Variants in SCHIP1 observed in about 807,000 individuals in gnomAD.
The protein encoded by SCHIP1 is schwannomin interacting protein 1, also known as schwannomin-interacting protein 1.
A neutral mutation model predicts 29.7 loss-of-function variants in SCHIP1; 8 were observed. The ratio of observed to expected loss-of-function variants is 0.27; its 90% CI spans 0.16 to 0.49. SCHIP1 has a LOEUF of 0.49. SCHIP1 is among the 20% of genes least tolerant of loss of function. SCHIP1 has a pLI of 0.99. For missense variants in SCHIP1, 193 were observed against 294.6 expected (o/e 0.66, Z 2.52); for synonymous variants, 76 against 94.9 (o/e 0.80, Z 1.16).
At chr3:159,473,706 AAAAAGT>A in the SCHIP1 span, among the ~76,000 whole-genome samples, 3 of 151,210 alleles carry the variant, frequency 2.0e-5, no homozygotes, top group African/African-American at 4.8e-5. Context: ...AAAAGAAAAG[AAAAAGT>A]AAAAGAAAAC....
At chr3:159,299,498 A>G in the SCHIP1 span, among the ~76,000 whole-genome samples, 1 of 152,238 alleles carries the variant, frequency 6.6e-6, no homozygotes, top group African/African-American at 2.4e-5. Flanking sequence ...AGGGACACCC[A>G]TAAAACCAAG....
the SCHIP1 span, among the ~76,000 whole-genome samples, chr3:159,323,609 C>A: frequency 7.7e-4 from 117 of 152,302 alleles, 1 homozygote; most frequent in South Asian, 3.5e-3. Context: ...CTCTATTAAG[C>A]AATGCTGTAA....
chr3:159,846,413 G>T (rs1468728313), intron 1 of SCHIP1, among the ~76,000 whole-genome samples: 2 of 152,170 alleles, frequency 1.3e-5, no homozygotes, highest in Non-Finnish European at 2.9e-5. Context: ...TTTATGCCCA[G>T]ATTCTAGTGG....
chr3:159,429,819 AG>A, the SCHIP1 span, among the ~76,000 whole-genome samples: 1 of 152,224 alleles, frequency 6.6e-6, no homozygotes, highest in Non-Finnish European at 1.5e-5. Context: ...TAAATTGCAC[AG>A]ATAAAGCCTC....
chr3:159,399,586 C>A, the SCHIP1 span, among the ~76,000 whole-genome samples: 2 of 152,178 alleles, frequency 1.3e-5, no homozygotes, highest in Non-Finnish European at 2.9e-5. Flanking sequence ...CTATTTCTAT[C>A]AATCACTCTC....
the SCHIP1 span, among the ~76,000 whole-genome samples, chr3:159,691,557 C>T: frequency 4.4e-4 from 66 of 151,098 alleles, no homozygotes; most frequent in African/African-American, 1.5e-3. Context: ...TTTTTCAATT[C>T]GCCAGTCTGT....
the SCHIP1 span, among the ~76,000 whole-genome samples, chr3:159,431,542 G>T: frequency 6.6e-6 from 1 of 152,006 alleles, no homozygotes; most frequent in Admixed American, 6.6e-5. Flanking sequence ...TATAATAGAG[G>T]AAAAACCAGG....
At chr3:159,389,209 A>G in the SCHIP1 span, among the ~76,000 whole-genome samples, 2 of 152,122 alleles carry the variant, frequency 1.3e-5, no homozygotes, top group Non-Finnish European at 2.9e-5. Context: ...AAAAATGAAC[A>G]AAGTCTACAT....
At chr3:159,442,113 C>A in the SCHIP1 span, among the ~76,000 whole-genome samples, 1 of 152,108 alleles carries the variant, frequency 6.6e-6, no homozygotes, top group Non-Finnish European at 1.5e-5. Flanking sequence ...AATGGGAGAA[C>A]TGGCAAAAAC....
chr3:159,803,748 G>C, the SCHIP1 span, among the ~76,000 whole-genome samples: 1 of 152,178 alleles, frequency 6.6e-6, no homozygotes, highest in Non-Finnish European at 1.5e-5. Flanking sequence ...TTAGGGACCT[G>C]GCTACTTCTC....
At chr3:159,414,961 A>G in the SCHIP1 span, among the ~76,000 whole-genome samples, 1 of 152,220 alleles carries the variant, frequency 6.6e-6, no homozygotes, top group Non-Finnish European at 1.5e-5. Flanking sequence ...AGGTGATCAT[A>G]ACAGGCCACC....
At chr3:159,520,496 G>A in the SCHIP1 span, among the ~76,000 whole-genome samples, 1 of 152,174 alleles carries the variant, frequency 6.6e-6, no homozygotes, top group East Asian at 1.9e-4. Flanking sequence ...TACACGCGCA[G>A]ATATGACCAT....
the SCHIP1 span, among the ~76,000 whole-genome samples, chr3:159,507,850 C>G: frequency 2.8e-4 from 43 of 152,208 alleles, no homozygotes; most frequent in Admixed American, 2.0e-3. Context: ...TTTTTGATGT[C>G]CTGCTGGATT....
the SCHIP1 span, among the ~76,000 whole-genome samples, chr3:159,547,937 CAT>C: frequency 6.6e-6 from 1 of 152,142 alleles, no homozygotes; most frequent in Non-Finnish European, 1.5e-5. Flanking sequence ...TTAAAATAAT[CAT>C]ATGATTTTCT....
the SCHIP1 span, among the ~76,000 whole-genome samples, chr3:159,421,628 G>A: frequency 6.6e-6 from 1 of 152,216 alleles, no homozygotes; most frequent in Non-Finnish European, 1.5e-5. Flanking sequence ...CCTGGATGGT[G>A]TTTTGGTTTA....
the SCHIP1 span, among the ~76,000 whole-genome samples, chr3:159,742,675 C>CT: frequency 0.014 from 1,966 of 145,384 alleles, 42 homozygotes; most frequent in African/African-American, 0.047. Context: ...TTTTCTTTTT[C>CT]TTTTTTTTTT....
At chr3:159,610,648 A>T in the SCHIP1 span, among the ~76,000 whole-genome samples, 2 of 152,142 alleles carry the variant, frequency 1.3e-5, no homozygotes, top group South Asian at 4.1e-4. Flanking sequence ...ATATTCTTGT[A>T]AAGCTGGAAA....
the SCHIP1 span, among the ~76,000 whole-genome samples, chr3:159,831,896 A>G: frequency 6.8e-6 from 1 of 147,602 alleles, no homozygotes; most frequent in Non-Finnish European, 1.5e-5. Context: ...ATAAGGGGGA[A>G]TGATTGTATG....
chr3:159,385,352 G>T, the SCHIP1 span, among the ~76,000 whole-genome samples: 1 of 152,168 alleles, frequency 6.6e-6, no homozygotes. Flanking sequence ...GAGGCCAGGA[G>T]TTCGAGACCA....
Sources: gnomAD v4.1 joint callset for allele counts (sites outside exome capture counted in the v4.1 genomes callset) on GRCh38, gnomAD v4.1.1 for gene constraint, MANE v1.5 for transcripts, NCBI Gene and HGNC (gene_info 2026-07-23, HGNC 2026-07-21) for gene names.